The following ACTR3C variants were observed in gnomAD, a reference collection of about 807,000 sequenced individuals.
ACTR3C encodes actin-related protein 3C.
A neutral mutation model predicts 26.3 loss-of-function variants in ACTR3C; 18 were observed. That is an observed-to-expected ratio of 0.68 (90% CI 0.47 to 1.01). The LOEUF (loss-of-function observed/expected upper bound fraction) is 1.01, where lower values mean the gene tolerates loss of function less well. Among genes scored for constraint, ACTR3C ranks in the 50% least tolerant of loss-of-function variants. The pLI is 0.00. For synonymous variants in ACTR3C, 55 were observed against 94.5 expected (o/e 0.58, Z 2.42); for missense variants, 184 against 250.7 (o/e 0.73, Z 1.80).
chr7:150,034,198 T>C, the ACTR3C span, among the ~76,000 whole-genome samples: 36 of 151,942 alleles, frequency 2.4e-4, no homozygotes, highest in Admixed American at 1.0e-3. Flanking sequence ...ATTTGCTTCT[T>C]TTACTAGCAG....
chr7:150,037,508 G>A, the ACTR3C span, among the ~76,000 whole-genome samples: 3 of 53,986 alleles, frequency 5.6e-5, no homozygotes, highest in African/African-American at 1.2e-4. Flanking sequence ...TGGAAGAGGG[G>A]ATAGCTCTCA....
the ACTR3C span, among the ~76,000 whole-genome samples, chr7:150,180,806 G>A: frequency 0.027 from 4,010 of 148,644 alleles, 252 homozygotes; most frequent in African/African-American, 0.098. Flanking sequence ...CACTGTGCCT[G>A]GCCAGTAGTA....
At chr7:149,918,481 G>A in the ACTR3C span, among the ~76,000 whole-genome samples, 141,674 of 152,150 alleles carry the variant, frequency 0.93, 66,796 homozygotes, top group East Asian at 1. Flanking sequence ...ACCTGAGGTC[G>A]GGAGTTCGAG....
chr7:149,929,050 A>C, the ACTR3C span, among the ~76,000 whole-genome samples: 5 of 152,202 alleles, frequency 3.3e-5, no homozygotes, highest in African/African-American at 4.8e-5. Flanking sequence ...TTAAAATAAA[A>C]TGTTAACTAA....
At chr7:149,994,377 C>G in the ACTR3C span, among the ~76,000 whole-genome samples, 1 of 152,096 alleles carries the variant, frequency 6.6e-6, no homozygotes, top group Non-Finnish European at 1.5e-5. Context: ...GCGGGCGGAT[C>G]ACCTGAGGTC....
chr7:150,043,757 C>G, the ACTR3C span, among the ~76,000 whole-genome samples: 1 of 152,120 alleles, frequency 6.6e-6, no homozygotes, highest in Admixed American at 6.5e-5. Flanking sequence ...TTAGGAAAAT[C>G]ATGTGAAACT....
At chr7:150,229,651 A>ATTTTTT in the ACTR3C span, among the ~76,000 whole-genome samples, 4 of 134,306 alleles carry the variant, frequency 3.0e-5, no homozygotes, top group Admixed American at 7.5e-5. Context: ...CACACAGCTA[A>ATTTTTT]TTTTTTTTTT....
chr7:150,146,565 G>T, the ACTR3C span, among the ~76,000 whole-genome samples: 3 of 152,092 alleles, frequency 2.0e-5, no homozygotes, highest in Non-Finnish European at 2.9e-5. Flanking sequence ...TTTTTCGGCT[G>T]CTCTTCAGCT....
the ACTR3C span, among the ~76,000 whole-genome samples, chr7:150,083,913 A>G: frequency 0.54 from 81,861 of 151,612 alleles, 23,174 homozygotes; most frequent in East Asian, 0.77. Context: ...CAGCCAGTGT[A>G]GAAAACAGTA....
the ACTR3C span, among the ~76,000 whole-genome samples, chr7:150,220,023 G>A: frequency 6.8e-6 from 1 of 146,988 alleles, no homozygotes; most frequent in Non-Finnish European, 1.5e-5. Flanking sequence ...CACGGGCAGA[G>A]CCCTGCTGCT....
the ACTR3C span, among the ~76,000 whole-genome samples, chr7:149,970,540 T>C: frequency 6.6e-6 from 1 of 152,226 alleles, no homozygotes; most frequent in South Asian, 2.1e-4. Context: ...TCTGTCTCGA[T>C]GTGAATGTTA....
the ACTR3C span, among the ~76,000 whole-genome samples, chr7:149,926,482 G>C: frequency 6.6e-6 from 1 of 152,244 alleles, no homozygotes; most frequent in Non-Finnish European, 1.5e-5. Context: ...ATTCTGGCAT[G>C]TGCTATGCAC....
At chr7:150,307,176 A>G (rs576391061) in intron 1 of ACTR3C, among the ~76,000 whole-genome samples, 6 of 152,366 alleles carry the variant, frequency 3.9e-5, no homozygotes, top group African/African-American at 1.4e-4. Context: ...GCCTAGTTTT[A>G]TACATTTTAG....
the ACTR3C span, among the ~76,000 whole-genome samples, chr7:150,092,123 T>C: frequency 6.9e-6 from 1 of 145,294 alleles, no homozygotes; most frequent in Non-Finnish European, 1.5e-5. Flanking sequence ...GATAGGTAAG[T>C]AGAAATGTCT....
At chr7:150,039,974 G>T in the ACTR3C span, among the ~76,000 whole-genome samples, 1 of 142,026 alleles carries the variant, frequency 7.0e-6, no homozygotes, top group South Asian at 2.2e-4. Context: ...CCCGCCTCGC[G>T]GGGATTGCCT....
chr7:150,156,951 C>T, the ACTR3C span, among the ~76,000 whole-genome samples: 9 of 151,596 alleles, frequency 5.9e-5, no homozygotes, highest in East Asian at 3.9e-4. Context: ...GTAAGTCTTA[C>T]CACCTATCAG....
At chr7:149,938,932 TATATAA>T in the ACTR3C span, among the ~76,000 whole-genome samples, 15 of 85,184 alleles carry the variant, frequency 1.8e-4, no homozygotes, top group Non-Finnish European at 3.6e-4. Context: ...TATATATGTA[TATATAA>T]ATATATGTAT....
the ACTR3C span, among the ~76,000 whole-genome samples, chr7:149,996,223 C>T: frequency 1.8e-3 from 268 of 151,538 alleles, no homozygotes; most frequent in African/African-American, 5.8e-3. Context: ...TGGAAAGGGA[C>T]GGAGTAAAGG....
chr7:149,911,293 T>C, the ACTR3C span, among the ~76,000 whole-genome samples: 1 of 148,622 alleles, frequency 6.7e-6, no homozygotes, highest in Admixed American at 6.8e-5. Context: ...TCATCAAATC[T>C]GTGTCTTTAA....
Sources: gnomAD v4.1 joint callset for allele counts (sites outside exome capture counted in the v4.1 genomes callset) on GRCh38, gnomAD v4.1.1 for gene constraint, MANE v1.5 for transcripts, NCBI Gene and HGNC (gene_info 2026-07-23, HGNC 2026-07-21) for gene names.